Variants in PIP5K1B observed in about 807,000 individuals in gnomAD.
PIP5K1B encodes phosphatidylinositol-4-phosphate 5-kinase type 1 beta.
Under a neutral mutation model 67.0 loss-of-function variants are expected in PIP5K1B, and 42 were observed. That is an observed-to-expected ratio of 0.63 (90% confidence interval 0.49 to 0.81). PIP5K1B has a LOEUF of 0.81. Among genes scored for constraint, PIP5K1B ranks in the 30% least tolerant of loss-of-function variants. The pLI, the probability that PIP5K1B is intolerant of heterozygous loss-of-function variation, is 0.00. For missense variants in PIP5K1B, 459 were observed against 646.3 expected, an observed-to-expected ratio of 0.71 and a Z score of 3.14; for synonymous variants, 214 against 231.4, an observed-to-expected ratio of 0.92 and a Z score of 0.68.
intron 2 of PIP5K1B, among the ~76,000 whole-genome samples, chr9:68,804,449 A>G (rs1306228155): frequency 6.6e-6 from 1 of 152,116 alleles, no homozygotes; most frequent in African/African-American, 2.4e-5. Context: ...TTAAGGAAAT[A>G]AGCGAAGTCT....
chr9:68,871,511 A>T (rs1277925650), intron 5 of PIP5K1B, among the ~76,000 whole-genome samples: 1 of 152,224 alleles, frequency 6.6e-6, no homozygotes, highest in Non-Finnish European at 1.5e-5. Context: ...TTTTAGACTA[A>T]GACAAGCAGT....
chr9:68,756,258 T>C (rs1829919803), intron 2 of PIP5K1B, among the ~76,000 whole-genome samples: 1 of 152,248 alleles, frequency 6.6e-6, no homozygotes, highest in African/African-American at 2.4e-5. Flanking sequence ...TCCATTTCCA[T>C]TTCCAAAGCC....
intron 2 of PIP5K1B, among the ~76,000 whole-genome samples, chr9:68,790,229 T>C (rs984155186): frequency 1.4e-4 from 21 of 152,222 alleles, no homozygotes; most frequent in African/African-American, 5.1e-4. Flanking sequence ...AATTGAGCAA[T>C]CCTTGAGAAA....
intron 2 of PIP5K1B, among the ~76,000 whole-genome samples, chr9:68,764,893 C>G (rs78454614): frequency 6.6e-6 from 1 of 151,980 alleles, no homozygotes; most frequent in East Asian, 1.9e-4. Flanking sequence ...AATACTGAAG[C>G]ATTTTAAGCT....
chr9:69,003,182 G>C (rs4745490), intron 15 of PIP5K1B, among the ~76,000 whole-genome samples: 148,876 of 151,958 alleles, frequency 0.98, 73,008 homozygotes, highest in East Asian at 1. Flanking sequence ...TCATGGCAAC[G>C]AGAGGAACAT....
At chr9:68,984,884 G>A (rs1830033106) in intron 14 of PIP5K1B, among the ~76,000 whole-genome samples, 1 of 152,218 alleles carries the variant, frequency 6.6e-6, no homozygotes, top group Non-Finnish European at 1.5e-5. Context: ...AATGTTAGCA[G>A]CAATGACTGT....
At chr9:68,950,901 G>C (rs921111104) in intron 14 of PIP5K1B, among the ~76,000 whole-genome samples, 2 of 152,190 alleles carry the variant, frequency 1.3e-5, no homozygotes, top group African/African-American at 2.4e-5. Flanking sequence ...CACTGGGGAA[G>C]TCCACTAACA....
At chr9:68,751,973 G>T (rs899391260) in intron 2 of PIP5K1B, among the ~76,000 whole-genome samples, 2 of 152,048 alleles carry the variant, frequency 1.3e-5, no homozygotes, top group African/African-American at 2.4e-5. Context: ...TTATTTAAAA[G>T]AATTGTTAAA....
At chr9:68,713,943 T>G (rs1437841628) in intron 1 of PIP5K1B, among the ~76,000 whole-genome samples, 3 of 152,174 alleles carry the variant, frequency 2.0e-5, no homozygotes, top group African/African-American at 7.2e-5. Context: ...CTAGTCAGGT[T>G]AGTAGTAACT....
chr9:68,810,002 T>C (rs905228082), intron 2 of PIP5K1B, among the ~76,000 whole-genome samples: 3 of 152,236 alleles, frequency 2.0e-5, no homozygotes, highest in Non-Finnish European at 2.9e-5. Context: ...AGAGTGAATT[T>C]ATTTGGTGTT....
chr9:68,968,974 T>G (rs1337277995), intron 14 of PIP5K1B, among the ~76,000 whole-genome samples: 2 of 152,070 alleles, frequency 1.3e-5, no homozygotes, highest in African/African-American at 4.8e-5. Flanking sequence ...CAAACCTGGG[T>G]TGGAAACCTG....
At chr9:68,966,597 A>G (rs1257432820) in intron 14 of PIP5K1B, 1 of 152,252 alleles carries the variant, frequency 6.6e-6, no homozygotes, top group East Asian at 1.9e-4. Context: ...AAAAACAAGA[A>G]GTCTAAAAAA....
chr9:68,940,958 A>T lies in PIP5K1B; in HGVS notation c.1502+168A>T, dbSNP rs986291721. 3.6e-5 allele frequency: 26 copies of T among 715,626 alleles called. No homozygotes were observed. The East Asian group carries it at 4.0e-4, about 11-fold the overall frequency. The allele number at this position is 715,626 out of a possible 1,614,324, so 44.3% of individuals were successfully genotyped here. A position where few individuals can be genotyped will look rare whatever the true frequency, so the allele number is the denominator to read the frequency against. ...TTGATTTTTACTGTGGCAAAAGAAC[A>T]TTGGAGGGAAAACCCTCATGATTTT... On this transcript the variant is annotated intron_variant, in intron 14 of 15. Transcript: ENST00000265382.
intron 2 of PIP5K1B, among the ~76,000 whole-genome samples, chr9:68,765,053 T>C (rs550980297): frequency 2.0e-5 from 3 of 152,194 alleles, no homozygotes; most frequent in Non-Finnish European, 2.9e-5. Flanking sequence ...CTACAGTCAC[T>C]GCTCATTATC....
At chr9:68,880,672 G>A (rs906251921) in intron 6 of PIP5K1B, among the ~76,000 whole-genome samples, 2 of 151,936 alleles carry the variant, frequency 1.3e-5, no homozygotes, top group African/African-American at 4.8e-5. Flanking sequence ...GTATGTAAGT[G>A]TGCTTTTGTT....
intron 14 of PIP5K1B, among the ~76,000 whole-genome samples, chr9:68,985,064 C>T (rs1407221976): frequency 2.0e-5 from 3 of 152,046 alleles, no homozygotes; most frequent in African/African-American, 7.2e-5. Flanking sequence ...GTGGGATGCT[C>T]GAGTGAGGTG....
At chr9:68,854,902 T>A (rs533582399) in intron 4 of PIP5K1B, among the ~76,000 whole-genome samples, 1 of 152,230 alleles carries the variant, frequency 6.6e-6, no homozygotes, top group Non-Finnish European at 1.5e-5. Context: ...AATTTTATGA[T>A]CTGTATTGTG....
At chr9:68,769,991 G>A (rs1026584804) in intron 2 of PIP5K1B, among the ~76,000 whole-genome samples, 1 of 152,192 alleles carries the variant, frequency 6.6e-6, no homozygotes, top group East Asian at 1.9e-4. Flanking sequence ...GGTTTTCCAC[G>A]CCTTCTCTCC....
chr9:68,816,927 G>A (rs1405331548), intron 2 of PIP5K1B, among the ~76,000 whole-genome samples: 2 of 152,138 alleles, frequency 1.3e-5, no homozygotes, highest in African/African-American at 2.4e-5. Context: ...GGAAAAATTG[G>A]CAGATTTGAC....
Sources: gnomAD v4.1 joint callset for allele counts (sites outside exome capture counted in the v4.1 genomes callset) on GRCh38, gnomAD v4.1.1 for gene constraint, MANE v1.5 for transcripts, NCBI Gene and HGNC (gene_info 2026-07-23, HGNC 2026-07-21) for gene names.